Variants in LYPD6 observed in about 807,000 individuals in gnomAD.
LYPD6 encodes ly6/PLAUR domain-containing protein 6.
Under a neutral mutation model 22.7 loss-of-function variants are expected in LYPD6, and 15 were observed. The ratio of observed to expected loss-of-function variants is 0.66; its 90% CI spans 0.44 to 1.02. The LOEUF is 1.02. Among genes scored for constraint, LYPD6 ranks in the 50% least tolerant of loss-of-function variants. The probability of loss-of-function intolerance (pLI) is 0.00; values close to 1 mark genes in which losing one functional copy is unlikely to be tolerated. For synonymous variants in LYPD6, 72 were observed against 77.5 expected, an observed-to-expected ratio of 0.93 and a Z score of 0.37; for missense variants, 189 against 208.4, an observed-to-expected ratio of 0.91 and a Z score of 0.57.
intron 1 of LYPD6, among the ~76,000 whole-genome samples, chr2:149,379,513 T>C (rs1682011442): frequency 6.6e-6 from 1 of 152,208 alleles, no homozygotes; most frequent in South Asian, 2.1e-4. Flanking sequence ...TCTGGGTTAG[T>C]TCCTATTAGA....
intron 1 of LYPD6, among the ~76,000 whole-genome samples, chr2:149,427,107 A>G (rs138462911): frequency 2.8e-4 from 43 of 152,336 alleles, no homozygotes; most frequent in African/African-American, 9.9e-4. Context: ...CTACCTCTAT[A>G]TAGTGCCAAG....
intron 1 of LYPD6, among the ~76,000 whole-genome samples, chr2:149,335,289 A>G (rs1681014553): frequency 6.6e-6 from 1 of 152,188 alleles, no homozygotes; most frequent in African/African-American, 2.4e-5. Context: ...GGTGGAAGAC[A>G]GTGATATTGA....
the LYPD6 span, among the ~76,000 whole-genome samples, chr2:149,479,170 T>C: frequency 3.9e-5 from 6 of 152,176 alleles, no homozygotes; most frequent in African/African-American, 1.4e-4. Flanking sequence ...ACACTTCGTC[T>C]AGTCCCTCCT....
intron 1 of LYPD6, among the ~76,000 whole-genome samples, chr2:149,363,340 A>G (rs1471192423): frequency 2.0e-5 from 3 of 152,210 alleles, no homozygotes; most frequent in Non-Finnish European, 4.4e-5. Flanking sequence ...GTATGGCACC[A>G]TTATTATCCC....
chr2:149,396,647 A>G (rs1682434664), intron 1 of LYPD6, among the ~76,000 whole-genome samples: 1 of 152,094 alleles, frequency 6.6e-6, no homozygotes, highest in Non-Finnish European at 1.5e-5. Flanking sequence ...TTTTCCTCAG[A>G]TGAAGCATGG....
intron 1 of LYPD6, among the ~76,000 whole-genome samples, chr2:149,413,477 A>G (rs1344489746): frequency 6.6e-6 from 1 of 152,220 alleles, no homozygotes; most frequent in Non-Finnish European, 1.5e-5. Flanking sequence ...ACCACACTAC[A>G]GTTTATCTGG....
At chr2:149,476,722 C>T (rs1681453515), downstream of LYPD6, among the ~76,000 whole-genome samples, 1 of 152,192 alleles carries the variant, frequency 6.6e-6, no homozygotes, top group Non-Finnish European at 1.5e-5. Flanking sequence ...TGTCTTGCTC[C>T]TCTTCCATCT....
intron 1 of LYPD6, among the ~76,000 whole-genome samples, chr2:149,434,554 AT>A (rs1683388738): frequency 6.6e-6 from 1 of 152,134 alleles, no homozygotes; most frequent in South Asian, 2.1e-4. Flanking sequence ...ATGGATCTGG[AT>A]TTTTATTTTT....
chr2:149,408,151 G>T (rs888726656), intron 1 of LYPD6, among the ~76,000 whole-genome samples: 7 of 152,160 alleles, frequency 4.6e-5, no homozygotes, highest in Admixed American at 2.0e-4. Context: ...CTACTTGGGG[G>T]TGCCTCCCAG....
At position 149,388,206 on chromosome 2, in the gene LYPD6, G is replaced by A. The variant is rs182472354; in HGVS notation, c.-71-49432G>A. On this transcript the variant is annotated intron_variant, in intron 1 of 4. Coordinates refer to ENST00000334166, the MANE Select transcript of LYPD6 (RefSeq NM_194317.5). ...TTTTTTTTTTTTTTGGTCTAAGTTG[G>A]TCTACAGTGTCTGAAAGAGTTGAAT... is the stretch of plus-strand genomic sequence containing the variant. 3.7e-3 allele frequency among the ~76,000 whole-genome samples: 539 copies of A among 145,956 alleles called. 10 individuals carry two copies. The highest frequency in any genetic ancestry group is 0.026 in the Admixed American group (383 of 14,582).
chr2:149,429,606 C>A (rs1011649439), intron 1 of LYPD6, among the ~76,000 whole-genome samples: 1 of 152,208 alleles, frequency 6.6e-6, no homozygotes, highest in African/African-American at 2.4e-5. Flanking sequence ...GTATCTGTAG[C>A]TGCTTTGCAA....
intron 1 of LYPD6, among the ~76,000 whole-genome samples, chr2:149,420,721 G>A (rs1213934495): frequency 6.6e-6 from 1 of 152,088 alleles, no homozygotes; most frequent in South Asian, 2.1e-4. Flanking sequence ...CCAAAGACTC[G>A]GAAGACCCAC....
At chr2:149,458,466 C>T (rs545188147) in intron 3 of LYPD6, among the ~76,000 whole-genome samples, 12 of 152,242 alleles carry the variant, frequency 7.9e-5, no homozygotes, top group African/African-American at 2.9e-4. Context: ...ATGAGGCACT[C>T]TTACCACTCT....
chr2:149,453,632 T>G (rs950078193), intron 3 of LYPD6, among the ~76,000 whole-genome samples: 4 of 152,254 alleles, frequency 2.6e-5, no homozygotes, highest in Non-Finnish European at 4.4e-5. Context: ...TTTTCCAGAT[T>G]GGTTGCCTGA....
At chr2:149,461,209 A>G (rs190247606) in intron 3 of LYPD6, among the ~76,000 whole-genome samples, 2 of 152,136 alleles carry the variant, frequency 1.3e-5, no homozygotes, top group East Asian at 3.9e-4. Flanking sequence ...ATTTTTTTCA[A>G]TTAAAATCAA....
chr2:149,462,383 A>T (rs1335506533), intron 3 of LYPD6, among the ~76,000 whole-genome samples: 4 of 151,962 alleles, frequency 2.6e-5, no homozygotes, highest in Non-Finnish European at 4.4e-5. Flanking sequence ...TAGGACTTGT[A>T]AGCTGAAAAT....
intron 1 of LYPD6, among the ~76,000 whole-genome samples, chr2:149,398,502 T>A (rs944335082): frequency 6.6e-6 from 1 of 151,906 alleles, no homozygotes; most frequent in Non-Finnish European, 1.5e-5. Context: ...GTCCTGAAAG[T>A]GTTCCCAGCA....
chr2:149,389,838 CCTCT>C (rs1324298266), intron 1 of LYPD6, among the ~76,000 whole-genome samples: 1 of 152,032 alleles, frequency 6.6e-6, no homozygotes, highest in East Asian at 1.9e-4. Context: ...GACCCCAAGC[CCTCT>C]CTCTCTTTGA....
intron 1 of LYPD6, among the ~76,000 whole-genome samples, chr2:149,399,722 A>G (rs1267095113): frequency 6.7e-6 from 1 of 150,344 alleles, no homozygotes; most frequent in Non-Finnish European, 1.5e-5. Flanking sequence ...AATTATAAGT[A>G]TATGGATAAA....
Sources: gnomAD v4.1 joint callset for allele counts (sites outside exome capture counted in the v4.1 genomes callset) on GRCh38, gnomAD v4.1.1 for gene constraint, MANE v1.5 for transcripts, NCBI Gene and HGNC (gene_info 2026-07-23, HGNC 2026-07-21) for gene names.